The following ELL2 variants were observed in gnomAD, a reference collection of about 807,000 sequenced individuals.
ELL2 encodes the protein elongation factor for RNA polymerase II 2, also known as RNA polymerase II elongation factor ELL2.
Under a neutral mutation model 72.8 loss-of-function variants are expected in ELL2, and 21 were observed. The observed-to-expected ratio is 0.29, with a 90% confidence interval of 0.20 to 0.42. The LOEUF (loss-of-function observed/expected upper bound fraction) is 0.42. Ranked by LOEUF, ELL2 falls within the 10% of genes least tolerant of loss-of-function variation. The pLI, the probability that ELL2 is intolerant of heterozygous loss-of-function variation, is 1.00. For synonymous variants in ELL2, 266 were observed against 283.2 expected (o/e 0.94, Z 0.61); for missense variants, 568 against 772.8 (o/e 0.73, Z 3.14).
chr5:95,927,113 A>T (rs1267883117), intron 2 of ELL2, among the ~76,000 whole-genome samples: 1 of 152,060 alleles, frequency 6.6e-6, no homozygotes, highest in Non-Finnish European at 1.5e-5. Flanking sequence ...GGTTTCTATG[A>T]CATAGTAGTG....
At chr5:95,916,910 G>A (rs1749831593) in intron 3 of ELL2, among the ~76,000 whole-genome samples, 1 of 152,142 alleles carries the variant, frequency 6.6e-6, no homozygotes, top group African/African-American at 2.4e-5. Context: ...TATTTACTAA[G>A]TAATTTACAT....
chr5:95,956,887 T>G (rs1279610422), intron 1 of ELL2, among the ~76,000 whole-genome samples: 1 of 152,206 alleles, frequency 6.6e-6, no homozygotes, highest in Non-Finnish European at 1.5e-5. Context: ...TATGTACAAA[T>G]TTTAAAAACA....
At chr5:95,927,872 C>G (rs1228668903) in intron 2 of ELL2, among the ~76,000 whole-genome samples, 1 of 148,474 alleles carries the variant, frequency 6.7e-6, no homozygotes, top group Non-Finnish European at 1.5e-5. Flanking sequence ...TGATAATGAG[C>G]ACCTTAATGT....
intron 9 of ELL2, among the ~76,000 whole-genome samples, chr5:95,894,555 A>G (rs770474036): frequency 5.8e-4 from 89 of 152,302 alleles, no homozygotes; most frequent in Middle Eastern, 3.4e-3. Flanking sequence ...TCCTGGGCCA[A>G]CTAAGTGGTA....
chr5:95,889,578 A>C (rs1561486585), intron 10 of ELL2, among the ~76,000 whole-genome samples: 1 of 152,194 alleles, frequency 6.6e-6, no homozygotes, highest in Non-Finnish European at 1.5e-5. Context: ...CATTAGTTTA[A>C]AAGAGAAAAA....
rs1748456613 is a variant in ELL2, at chr5:95,886,135, CTAGA to C, written c.*2732_*2735del. 6.6e-6 allele frequency: 1 copy of C among 152,082 alleles called. No homozygotes were observed. Among genetic ancestry groups the C allele is most frequent in the Non-Finnish European group, 1.5e-5 (1 of 67,986 alleles). 9.4% of individuals were successfully genotyped at this position (152,082 alleles called of 1,614,324 possible). On this transcript the variant is annotated 3_prime_UTR_variant, in exon 12 of 12. Transcript: ENST00000237853. ...CTTCCAAAAAAGAAAAGAAAAAAAA[CTAGA>C]TAAATTCTTCCACCGGAGTAACTGA...
intron 2 of ELL2, 114 bp from the exon 3 acceptor site, chr5:95,919,659 T>C (rs951541996): frequency 2.4e-6 from 3 of 1,250,816 alleles, no homozygotes; most frequent in Non-Finnish European, 3.2e-6. Flanking sequence ...TAAGCCCTTT[T>C]GATATATACA....
At chr5:95,913,399 C>A (rs1749674215) in intron 4 of ELL2, 2 of 157,618 alleles carry the variant, frequency 1.3e-5, no homozygotes, top group Admixed American at 6.5e-5. Context: ...ATAAAAATAG[C>A]CCTACAAAAA....
chr5:95,956,136 CT>C (rs1561517951), intron 1 of ELL2, among the ~76,000 whole-genome samples: 2 of 152,104 alleles, frequency 1.3e-5, no homozygotes, highest in African/African-American at 4.8e-5. Context: ...CTTTTAAATT[CT>C]TTTCTTGAAC....
chr5:95,935,615 T>C (rs1281726661), intron 2 of ELL2, among the ~76,000 whole-genome samples: 1 of 152,186 alleles, frequency 6.6e-6, no homozygotes, highest in Admixed American at 6.5e-5. Flanking sequence ...GTTCCAATTC[T>C]CCAATGGGAA....
At chr5:95,946,215 C>T (rs895513232) in intron 1 of ELL2, among the ~76,000 whole-genome samples, 1 of 152,110 alleles carries the variant, frequency 6.6e-6, no homozygotes, top group Non-Finnish European at 1.5e-5. Flanking sequence ...TTTAGAAATA[C>T]CCTGGAAGTG....
intron 2 of ELL2, among the ~76,000 whole-genome samples, chr5:95,936,211 T>A (rs1036752473): frequency 6.6e-6 from 1 of 152,226 alleles, no homozygotes; most frequent in African/African-American, 2.4e-5. Flanking sequence ...GTAAATGTAT[T>A]TGAAGGCCAC....
intron 10 of ELL2, 182 bp downstream of exon 10, chr5:95,890,921 G>A: frequency 1.4e-6 from 1 of 699,018 alleles, no homozygotes; most frequent in Non-Finnish European, 2.4e-6. Flanking sequence ...AGAAATACAG[G>A]TTTACTATGT....
intron 4 of ELL2, among the ~76,000 whole-genome samples, chr5:95,909,374 T>C (rs976017460): frequency 2.0e-5 from 3 of 152,214 alleles, no homozygotes; most frequent in Admixed American, 2.0e-4. Flanking sequence ...TCAGCCACAC[T>C]GGACCACTGA....
At chr5:95,960,877 C>T (rs528127256) in intron 1 of ELL2, among the ~76,000 whole-genome samples, 68 of 151,980 alleles carry the variant, frequency 4.5e-4, no homozygotes, top group Non-Finnish European at 5.7e-4. Flanking sequence ...TGTCCCCTCC[C>T]CCCCCGTACG....
At chr5:95,897,949 A>G (rs994004764) in intron 8 of ELL2, among the ~76,000 whole-genome samples, 4 of 152,206 alleles carry the variant, frequency 2.6e-5, no homozygotes, top group African/African-American at 9.7e-5. Context: ...ATATCATAAC[A>G]GATATGGAAA....
chr5:95,950,906 A>ATG (rs1445775273), intron 1 of ELL2, among the ~76,000 whole-genome samples: 8 of 11,186 alleles, frequency 7.2e-4, no homozygotes, highest in Non-Finnish European at 1.3e-3. Flanking sequence ...ATGTATGTGT[A>ATG]TATATATATA....
intron 10 of ELL2, 50 bp from the exon 11 acceptor site, chr5:95,889,180 TG>T: frequency 7.0e-7 from 1 of 1,418,860 alleles, no homozygotes; most frequent in Non-Finnish European, 9.8e-7. Flanking sequence ...CTTTTGTGTG[TG>T]GCAATACAAA....
At chr5:95,893,667 G>C (rs1452685009) in intron 9 of ELL2, among the ~76,000 whole-genome samples, 3 of 152,150 alleles carry the variant, frequency 2.0e-5, no homozygotes, top group Non-Finnish European at 2.9e-5. Flanking sequence ...TTACAGGCGT[G>C]AGCCACCGCG....
Sources: gnomAD v4.1 joint callset for allele counts (sites outside exome capture counted in the v4.1 genomes callset) on GRCh38, gnomAD v4.1.1 for gene constraint, MANE v1.5 for transcripts, NCBI Gene and HGNC (gene_info 2026-07-23, HGNC 2026-07-21) for gene names.